The following GPN3 variants were observed in gnomAD, a reference collection of about 807,000 sequenced individuals.
GPN3 encodes the protein GPN-loop GTPase 3, also known as ATP-binding domain 1 family member C.
GPN3 carries 31 observed loss-of-function variants against 38.7 expected under a neutral mutation model. That is an observed-to-expected ratio of 0.80 (90% confidence interval 0.60 to 1.08). The LOEUF (loss-of-function observed/expected upper bound fraction) is 1.08. Among genes scored for constraint, GPN3 ranks in the 50% least tolerant of loss-of-function variants. The pLI, the probability that GPN3 is intolerant of heterozygous loss-of-function variation, is 0.00. For synonymous variants in GPN3, 116 were observed against 120.2 expected, an observed-to-expected ratio of 0.96 and a Z score of 0.23; for missense variants, 301 against 354.4, an observed-to-expected ratio of 0.85 and a Z score of 1.21.
chr12:110,464,443 A>G (rs1479612899), intron 2 of GPN3, among the ~76,000 whole-genome samples: 2 of 152,020 alleles, frequency 1.3e-5, no homozygotes, highest in Non-Finnish European at 1.5e-5. Context: ...TGTTCAACAG[A>G]CACTTGAATG....
At chr12:110,468,037 G>T (rs972544663) in intron 1 of GPN3, 119 bp downstream of exon 1, 3 of 1,336,428 alleles carry the variant, frequency 2.2e-6, no homozygotes, top group African/African-American at 2.9e-5. Context: ...CAGCAGAAAT[G>T]AGTTGCGTGG....
rs1414558796 is a variant in GPN3, at chr12:110,453,626, CT to C, written c.792+116del. The C allele has an allele frequency of 5.5e-6, 4 of 724,558 alleles. No homozygotes were observed. In the Admixed American group the frequency reaches 9.5e-5, roughly 17 times the overall value. 44.9% of individuals were successfully genotyped at this position (724,558 alleles called of 1,614,324 possible). ...AGATCACCCAGAAAAGCCCAGTTAACTGCCATCAATAAGACAAAAAACTAAT... is the reference window on the plus strand; with the variant it reads ...AGATCACCCAGAAAAGCCCAGTTAACGCCATCAATAAGACAAAAAACTAAT... On this transcript the variant is annotated intron_variant, in intron 7 of 7. Transcript: ENST00000228827.
At position 110,454,514 on chromosome 12, in the gene GPN3, G is replaced by A. The variant is rs141877874; in HGVS notation, c.664-643C>T. On this transcript the variant is annotated intron_variant, in intron 6 of 7. Transcript: ENST00000228827. Reference sequence around the variant, plus strand: ...ATTACAGGTGTGCCCTACCATGCCCGGCTAATTTTGTATTTTTAGTACAGA... The same window carrying A: ...ATTACAGGTGTGCCCTACCATGCCCAGCTAATTTTGTATTTTTAGTACAGA... Among the ~76,000 whole-genome samples the A allele has an allele frequency of 5.2e-3, 779 of 151,190 alleles. 8 individuals are homozygous for A. Among genetic ancestry groups the A allele is most frequent in the African/African-American group, 0.018 (739 of 41,150 alleles).
intron 2 of GPN3, chr12:110,464,875 G>A (rs2062616169): frequency 4.1e-6 from 2 of 489,870 alleles, no homozygotes; most frequent in Non-Finnish European, 3.7e-6. Context: ...TTACAGGCAT[G>A]AGCCTCCGCG....
intron 6 of GPN3, among the ~76,000 whole-genome samples, chr12:110,454,541 G>T (rs546877069): frequency 1.3e-5 from 2 of 151,732 alleles, no homozygotes; most frequent in African/African-American, 4.8e-5. Flanking sequence ...TAGTACAGAC[G>T]GGGTTTCACC....
rs2062531157 is a variant in GPN3 at position 110,453,807 on chromosome 12, A to G, written c.728T>C (p.Ile243Thr). The G allele has an allele frequency of 3.1e-6, 5 of 1,589,878 alleles. No individual in the cohort carries two copies. The highest frequency in any genetic ancestry group is 2.2e-5 in the South Asian group (2 of 90,588). ...GGCAAAATCAATATGCTGCAATACAATGTTCATGCTTTCTTCATCTGACTG... is the reference window on the plus strand; with the variant it reads ...GGCAAAATCAATATGCTGCAATACAGTGTTCATGCTTTCTTCATCTGACTG... ...YDQSDEESMN[I>T]VLQHIDFAIQ... The change falls in exon 7 of 8, where the codon ATT becomes ACT. Residue 243 changes from isoleucine (I) to threonine (T), a missense_variant. Transcript: ENST00000228827.
chr12:110,459,829 A>G lies in GPN3; in HGVS notation c.191T>C (p.Met64Thr), dbSNP rs1252148420. 17 of 1,613,934 alleles carry G rather than the reference A, an allele frequency of 1.1e-5. No individual in the cohort carries two copies. The highest frequency in any genetic ancestry group is 1.4e-5 in the Non-Finnish European group (17 of 1,179,914). The change falls in exon 3 of 8, where the codon ATG (methionine) becomes ACG (threonine). Residue 64 changes from methionine to threonine, a missense_variant. Transcript: ENST00000228827. ...ACCGAATCGCAGAGAATCATCCTCC[A>G]TTACATCATCCACCTCGATCAGTTC... Reference protein sequence around the residue: ...IRELIEVDDVMEDDSLRFGPN... With the variant: ...IRELIEVDDVTEDDSLRFGPN...
At chr12:110,456,916 C>G (rs769991845) in intron 4 of GPN3, among the ~76,000 whole-genome samples, 1 of 151,786 alleles carries the variant, frequency 6.6e-6, no homozygotes, top group Non-Finnish European at 1.5e-5. Flanking sequence ...CAAGCAGGTC[C>G]GAAACTCTTG....
chr12:110,465,049 T>C, intron 2 of GPN3, 57 bp downstream of exon 2: 1 of 887,052 alleles, frequency 1.1e-6, no homozygotes, highest in Non-Finnish European at 1.9e-6. Context: ...TAGTACTCAC[T>C]GCCTCCCCAG....
At chr12:110,465,615 C>G (rs1565846080) in intron 1 of GPN3, among the ~76,000 whole-genome samples, 1 of 152,162 alleles carries the variant, frequency 6.6e-6, no homozygotes, top group African/African-American at 2.4e-5. Flanking sequence ...GATGATGTCT[C>G]TGAGTAGGGG....
At chr12:110,461,257 A>C (rs1036881945) in intron 2 of GPN3, 9 of 1,327,266 alleles carry the variant, frequency 6.8e-6, no homozygotes, top group Non-Finnish European at 9.7e-6. Context: ...AGCTGTCCAG[A>C]AAACGTAATG....
Position 110,466,356 on chromosome 12 carries a change from T to A in GPN3, c.49-1142A>T, listed in dbSNP as rs537071023. On this transcript the variant is annotated intron_variant, in intron 1 of 7. Transcript: ENST00000228827. The stretch of plus-strand genomic sequence containing the variant: ...CAAGGAATGTTTCTGATAGTAAGCA[T>A]CAAAAGCTTATAAAGATACTTGTTT... Among the ~76,000 whole-genome samples, 4 of 152,188 alleles carry A rather than the reference T, an allele frequency of 2.6e-5. No homozygotes were observed. The South Asian group carries it at 8.3e-4, about 32-fold the overall frequency.
chr12:110,464,785 G>C, intron 2 of GPN3: 1 of 276,616 alleles, frequency 3.6e-6, no homozygotes, highest in Non-Finnish European at 7.2e-6. Flanking sequence ...AGTAGAGACA[G>C]GGTTTCACCA....
rs775402790 is a variant in GPN3, at chr12:110,468,183, C to T, written c.21G>A (p.Leu7=). MPRYAQ[L]VMGPAGSGKS... ...TCCCGCTGCCCGCGGGGCCCATGAC[C>T]AGCTGCGCATACCGAGGCATGTTGG... is the stretch of plus-strand genomic sequence containing the variant. Residue 7 remains leucine (L), a synonymous_variant, in exon 1 of 8, where the codon CTG becomes CTA. Transcript: ENST00000228827. 4 of 1,611,796 alleles carry T rather than the reference C, an allele frequency of 2.5e-6. No homozygotes were observed. In the Admixed American group the frequency reaches 5.0e-5, roughly 20 times the overall value.
In GPN3 at chr12:110,453,070, C is replaced by T; in HGVS notation, c.819G>A (p.Met273Ile). ...GGCATTCTTGAAAATATTCGTCAAA[C>T]ATAGAGGAAGACTCATCTTCACGTT... ...PKEREDESSS[M>I]FDEYFQECQD... Residue 273 changes from methionine to isoleucine, a missense_variant, in exon 8 of 8, where the codon ATG becomes ATA. Met to Ile is a conservative substitution (Grantham distance 10, BLOSUM62 1). Coordinates refer to ENST00000228827, the MANE Select transcript of GPN3 (RefSeq NM_016301.4). 6.8e-7 allele frequency: 1 copy of T among 1,477,740 alleles called. No homozygotes were observed. Among genetic ancestry groups the T allele is most frequent in the Non-Finnish European group, 9.5e-7 (1 of 1,057,524 alleles). 91.5% of individuals were successfully genotyped at this position (1,477,740 alleles called of 1,614,324 possible). A position where few individuals can be genotyped will look rare whatever the true frequency, so the allele number is the denominator to read the frequency against.
chr12:110,459,879 G>A lies in GPN3; in HGVS notation c.158-17C>T. 6.2e-7 allele frequency: 1 copy of A among 1,607,738 alleles called. No homozygotes were observed. The highest frequency in any genetic ancestry group is 1.3e-5 in the African/African-American group (1 of 74,924). On this transcript the variant is annotated splice_polypyrimidine_tract_variant and intron_variant, in intron 2 of 7. Transcript: ENST00000228827. Reference sequence around the variant, plus strand: ...CCCGGATGTCTGAAAAGGACAGATAGGGCCCAGAATATATGTGTCCCTTCA... The same window carrying A: ...CCCGGATGTCTGAAAAGGACAGATAAGGCCCAGAATATATGTGTCCCTTCA...
At chr12:110,460,628 T>A (rs1002431836) in intron 2 of GPN3, among the ~76,000 whole-genome samples, 8 of 151,956 alleles carry the variant, frequency 5.3e-5, no homozygotes, top group South Asian at 2.1e-4. Context: ...GGTCAGGAGT[T>A]CAAGACTAGC....
chr12:110,468,084 A>G, intron 1 of GPN3, 72 bp downstream of exon 1: 4 of 1,611,632 alleles, frequency 2.5e-6, no homozygotes, highest in Non-Finnish European at 3.4e-6. Context: ...CCGCCGGCTC[A>G]CTCCCTCAGG....
chr12:110,460,905 A>G, intron 2 of GPN3: 1 of 714,098 alleles, frequency 1.4e-6, no homozygotes, highest in South Asian at 1.6e-5. Context: ...CAGAGGTTGC[A>G]GTGAGCCAAG....
Sources: allele counts gnomAD v4.1 joint callset (sites outside exome capture counted in the v4.1 genomes callset), GRCh38; gene constraint gnomAD v4.1.1; transcripts MANE v1.5; gene names NCBI Gene and HGNC (gene_info 2026-07-23, HGNC 2026-07-21).